RNF180: variants seen among roughly 807,000 people sequenced by gnomAD.
RNF180 encodes E3 ubiquitin-protein ligase RNF180.
Under a neutral mutation model 59.2 loss-of-function variants are expected in RNF180, and 38 were observed. The observed-to-expected ratio is 0.64, with a 90% CI of 0.50 to 0.84. The LOEUF is 0.84. RNF180 is among the 40% of genes least tolerant of loss of function. The probability of loss-of-function intolerance (pLI) is 0.00; values close to 1 mark genes in which losing one functional copy is unlikely to be tolerated. For missense variants in RNF180, 705 were observed against 700.9 expected (o/e 1.01, Z -0.07); for synonymous variants, 262 against 240.3 (o/e 1.09, Z -0.84).
intron 6 of RNF180, 87 bp from the exon 7 acceptor site, chr5:64,330,194 T>G: frequency 1.1e-6 from 1 of 889,680 alleles, no homozygotes; most frequent in Non-Finnish European, 1.7e-6. Context: ...TCAAATAGTA[T>G]CAAAATACTA....
At chr5:64,301,701 A>ATGTG (rs3069547) in intron 5 of RNF180, among the ~76,000 whole-genome samples, 63 of 148,712 alleles carry the variant, frequency 4.2e-4, no homozygotes, top group Admixed American at 1.2e-3. Context: ...CCACATCAGA[A>ATGTG]TGTGTGTGTG....
At chr5:64,367,592 C>G (rs1184690274) in intron 7 of RNF180, among the ~76,000 whole-genome samples, 1 of 151,506 alleles carries the variant, frequency 6.6e-6, no homozygotes, top group South Asian at 2.1e-4. Context: ...AAACTTAATA[C>G]ATAAAAAATA....
intron 7 of RNF180, among the ~76,000 whole-genome samples, chr5:64,351,637 C>G (rs1460332582): frequency 2.0e-5 from 3 of 151,564 alleles, no homozygotes; most frequent in Non-Finnish European, 4.4e-5. Flanking sequence ...TTGTCAAAGG[C>G]CTTTTCTGCA....
rs535085341 is a variant in RNF180 at position 64,360,319 on chromosome 5, G to A, written c.1580-9296G>A. On this transcript the variant is annotated intron_variant, in intron 7 of 7. Coordinates refer to ENST00000389100, the MANE Select transcript of RNF180 (RefSeq NM_001113561.2). ...ACAGAGCCAAAGACAAAAACCACAT[G>A]ATTATCTCAATAGATGCAGAAAAAG... 1.6e-3 allele frequency among the ~76,000 whole-genome samples: 242 copies of A among 151,766 alleles called. 1 individual carries two copies. The highest frequency in any genetic ancestry group is 5.6e-3 in the African/African-American group (231 of 41,470).
chr5:64,255,546 TG>T (rs1323960251), intron 5 of RNF180, among the ~76,000 whole-genome samples: 27 of 152,364 alleles, frequency 1.8e-4, no homozygotes, highest in African/African-American at 6.5e-4. Flanking sequence ...TTTTTATGGC[TG>T]CATAGTATTC....
chr5:64,338,554 G>C (rs1265620058), intron 7 of RNF180, among the ~76,000 whole-genome samples: 1 of 151,020 alleles, frequency 6.6e-6, no homozygotes, highest in Admixed American at 6.6e-5. Flanking sequence ...AGAATGGCGT[G>C]AATCCGGGAG....
chr5:64,345,124 C>G (rs1745505717), intron 7 of RNF180, among the ~76,000 whole-genome samples: 1 of 152,080 alleles, frequency 6.6e-6, no homozygotes, highest in South Asian at 2.1e-4. Flanking sequence ...GGCTTCTAGC[C>G]CACCTCATCA....
chr5:64,327,882 T>C lies in RNF180; in HGVS notation c.1454-2399T>C, dbSNP rs73105020. ...GAGTTATTAAAGTCTCCAACTGTTA[T>C]TGTATTGAGATCTATCTCTCTCTCT... On this transcript the variant is annotated intron_variant, in intron 6 of 7. Transcript: ENST00000389100. 5.0e-3 allele frequency among the ~76,000 whole-genome samples: 755 copies of C among 152,350 alleles called. 10 individuals carry two copies. The highest frequency in any genetic ancestry group is 0.017 in the African/African-American group (707 of 41,576).
chr5:64,255,627 C>G (rs542235728), intron 5 of RNF180, among the ~76,000 whole-genome samples: 1 of 152,150 alleles, frequency 6.6e-6, no homozygotes, highest in South Asian at 2.1e-4. Flanking sequence ...GGTTCCAAGT[C>G]TTTGCTATTG....
chr5:64,165,739 C>CG (rs572512403), upstream of RNF180: 522 of 152,358 alleles, frequency 3.4e-3, 2 homozygotes, highest in African/African-American at 0.011. Flanking sequence ...CTGGCTGTGG[C>CG]GGGCGAGCGC....
In RNF180 at chr5:64,267,727, C is replaced by A. The variant is rs570119774; in HGVS notation, c.1227+50331C>A. Reference sequence around the variant, plus strand: ...ATGAAAAGTTTTTAAAATATTAAAACTCATGATATAGTAATATATGTGCTT... The same window carrying A: ...ATGAAAAGTTTTTAAAATATTAAAAATCATGATATAGTAATATATGTGCTT... On this transcript the variant is annotated intron_variant, in intron 5 of 7. Coordinates refer to ENST00000389100, the MANE Select transcript of RNF180 (RefSeq NM_001113561.2). Among the ~76,000 whole-genome samples the A allele has an allele frequency of 3.9e-5, 6 of 152,166 alleles. 1 individual carries two copies. The highest frequency in any genetic ancestry group is 9.6e-5 in the African/African-American group (4 of 41,514).
At chr5:64,171,754 G>C (rs1372307663) in intron 1 of RNF180, among the ~76,000 whole-genome samples, 1 of 152,030 alleles carries the variant, frequency 6.6e-6, no homozygotes, top group Non-Finnish European at 1.5e-5. Context: ...TGGCTGTCTT[G>C]GCCTTCCCAG....
At chr5:64,336,722 A>G (rs1745141057) in intron 7 of RNF180, among the ~76,000 whole-genome samples, 1 of 152,110 alleles carries the variant, frequency 6.6e-6, no homozygotes, top group African/African-American at 2.4e-5. Flanking sequence ...CCTCTTTTGT[A>G]GTTACTTTGC....
intron 5 of RNF180, among the ~76,000 whole-genome samples, chr5:64,266,218 C>A (rs1057333523): frequency 2.6e-5 from 4 of 152,106 alleles, no homozygotes; most frequent in African/African-American, 9.7e-5. Context: ...TTATTTATTT[C>A]TTTTGCCTGA....
At chr5:64,336,266 A>G (rs1745120695) in intron 7 of RNF180, among the ~76,000 whole-genome samples, 3 of 152,130 alleles carry the variant, frequency 2.0e-5, no homozygotes, top group Non-Finnish European at 4.4e-5. Flanking sequence ...GGTCTTATAT[A>G]TTGCATTGTT....
At chr5:64,261,052 A>T (rs1453943285) in intron 5 of RNF180, among the ~76,000 whole-genome samples, 1 of 152,086 alleles carries the variant, frequency 6.6e-6, no homozygotes, top group Non-Finnish European at 1.5e-5. Flanking sequence ...TAAAGAAGAT[A>T]CATTTCTTTG....
intron 6 of RNF180, 95 bp downstream of exon 6, chr5:64,325,506 A>G (rs1744594703): frequency 1.1e-6 from 1 of 872,694 alleles, no homozygotes; most frequent in Admixed American, 2.3e-5. Context: ...TGAAAATCAC[A>G]TATACCATAA....
chr5:64,252,640 A>G (rs1361938237), intron 5 of RNF180, among the ~76,000 whole-genome samples: 1 of 152,120 alleles, frequency 6.6e-6, no homozygotes, highest in East Asian at 1.9e-4. Flanking sequence ...TGTTAAGTAT[A>G]CAGATGGATG....
At chr5:64,174,142 C>T (rs1206119146) in intron 1 of RNF180, among the ~76,000 whole-genome samples, 4 of 152,182 alleles carry the variant, frequency 2.6e-5, no homozygotes, top group Non-Finnish European at 2.9e-5. Flanking sequence ...GGACTTCATC[C>T]CTTTTTTTGG....
Sources: allele counts gnomAD v4.1 joint callset (sites outside exome capture counted in the v4.1 genomes callset), GRCh38; gene constraint gnomAD v4.1.1; transcripts MANE v1.5; gene names NCBI Gene and HGNC (gene_info 2026-07-23, HGNC 2026-07-21).